ZFAT: variants seen among roughly 807,000 people sequenced by gnomAD.
ZFAT encodes zinc finger and AT-hook domain containing, also known as zinc finger protein ZFAT.
Under a neutral mutation model 117.7 loss-of-function variants are expected in ZFAT, and 64 were observed. The observed-to-expected ratio is 0.54, with a 90% confidence interval of 0.44 to 0.67. The LOEUF (loss-of-function observed/expected upper bound fraction) is 0.67, where lower values mean the gene tolerates loss of function less well. Ranked by LOEUF, ZFAT falls within the 30% of genes least tolerant of loss-of-function variation. ZFAT has a pLI of 0.00. For missense variants in ZFAT, 1,433 were observed against 1,584.5 expected, an observed-to-expected ratio of 0.90 and a Z score of 1.62; for synonymous variants, 679 against 615.0, an observed-to-expected ratio of 1.10 and a Z score of -1.54.
chr8:134,658,320 G>C (rs575050868), intron 1 of ZFAT, among the ~76,000 whole-genome samples: 2 of 105,218 alleles, frequency 1.9e-5, no homozygotes, highest in African/African-American at 8.2e-5. Flanking sequence ...CTGGGCGACA[G>C]AGCGAGATTC....
At chr8:134,518,907 T>G (rs1820434559) in intron 13 of ZFAT, among the ~76,000 whole-genome samples, 1 of 152,182 alleles carries the variant, frequency 6.6e-6, no homozygotes, top group African/African-American at 2.4e-5. Flanking sequence ...AAAGCCCACC[T>G]TTCTCCTACC....
chr8:134,599,331 G>C (rs953266648), intron 7 of ZFAT: 1 of 167,218 alleles, frequency 6.0e-6, no homozygotes, highest in Non-Finnish European at 1.3e-5. Flanking sequence ...GCATATAAGT[G>C]TATGTGTGTA....
At chr8:134,700,649 G>C (rs575869800) in intron 1 of ZFAT, among the ~76,000 whole-genome samples, 5 of 152,168 alleles carry the variant, frequency 3.3e-5, no homozygotes, top group African/African-American at 1.2e-4. Flanking sequence ...TGGCCAGTCC[G>C]GGGGGAGGCA....
the ZFAT span, among the ~76,000 whole-genome samples, chr8:134,753,923 G>A: frequency 6.6e-6 from 1 of 152,146 alleles, no homozygotes; most frequent in Admixed American, 6.5e-5. Flanking sequence ...AACCAGTCCC[G>A]CACAAGGTAA....
At chr8:134,727,354 C>G in the ZFAT span, among the ~76,000 whole-genome samples, 15 of 152,038 alleles carry the variant, frequency 9.9e-5, no homozygotes, top group Non-Finnish European at 7.4e-5. Context: ...GGTCAGGACA[C>G]TGCTGTGTTT....
chr8:134,720,956 C>T, the ZFAT span, among the ~76,000 whole-genome samples: 1 of 152,198 alleles, frequency 6.6e-6, no homozygotes, highest in Non-Finnish European at 1.5e-5. Context: ...TAAGAACCCT[C>T]CTCCCAAAGA....
chr8:134,747,979 G>T, the ZFAT span, among the ~76,000 whole-genome samples: 1 of 152,344 alleles, frequency 6.6e-6, no homozygotes, highest in East Asian at 1.9e-4. Flanking sequence ...TGCACAGTTT[G>T]TTCAGCTAGT....
At chr8:134,621,882 G>C (rs1308315198) in intron 3 of ZFAT, among the ~76,000 whole-genome samples, 1 of 152,214 alleles carries the variant, frequency 6.6e-6, no homozygotes, top group African/African-American at 2.4e-5. Context: ...ACTGTTTTGA[G>C]AACGCATGAT....
At chr8:134,767,723 C>CT in the ZFAT span, among the ~76,000 whole-genome samples, 8 of 152,024 alleles carry the variant, frequency 5.3e-5, no homozygotes, top group African/African-American at 1.7e-4. Context: ...GTATTTCTCA[C>CT]TTTTTTTTAA....
chr8:134,485,406 C>T (rs371927094), intron 15 of ZFAT, among the ~76,000 whole-genome samples: 1 of 152,232 alleles, frequency 6.6e-6, no homozygotes, highest in East Asian at 1.9e-4. Context: ...TCTTTCCTCT[C>T]TAATGAGAAG....
chr8:134,500,844 C>T (rs949764572), intron 15 of ZFAT, among the ~76,000 whole-genome samples: 1 of 152,138 alleles, frequency 6.6e-6, no homozygotes, highest in South Asian at 2.1e-4. Context: ...ATCACCATTC[C>T]GCAACAACAG....
chr8:134,663,974 T>C (rs1832070668), intron 1 of ZFAT, among the ~76,000 whole-genome samples: 1 of 152,064 alleles, frequency 6.6e-6, no homozygotes, highest in Non-Finnish European at 1.5e-5. Context: ...CTGCAAATCA[T>C]GAAGACCGTG....
chr8:134,583,081 G>A (rs1026629578), intron 10 of ZFAT, among the ~76,000 whole-genome samples: 9 of 147,506 alleles, frequency 6.1e-5, no homozygotes, highest in African/African-American at 2.3e-4. Context: ...GCCTGTGCCA[G>A]GGAGACTGTG....
At chr8:134,617,967 T>C (rs1828860118) in intron 3 of ZFAT, among the ~76,000 whole-genome samples, 1 of 152,164 alleles carries the variant, frequency 6.6e-6, no homozygotes, top group Non-Finnish European at 1.5e-5. Flanking sequence ...ATTCTCATGA[T>C]AGTGAATAAG....
At chr8:134,509,551 C>G (rs1397556528) in intron 15 of ZFAT, 68 bp downstream of exon 15, 1 of 1,601,008 alleles carries the variant, frequency 6.2e-7, no homozygotes, top group African/African-American at 1.3e-5. Flanking sequence ...CTTAGAAACA[C>G]AGGGAGAAGG....
At chr8:134,716,827 A>G (rs1336266921), upstream of ZFAT, among the ~76,000 whole-genome samples, 2 of 152,256 alleles carry the variant, frequency 1.3e-5, no homozygotes, top group Non-Finnish European at 2.9e-5. Flanking sequence ...GGGTCAAAAT[A>G]GGATATTTTA....
chr8:134,686,987 G>A (rs1356640038), intron 1 of ZFAT, among the ~76,000 whole-genome samples: 1 of 152,208 alleles, frequency 6.6e-6, no homozygotes, highest in Non-Finnish European at 1.5e-5. Flanking sequence ...AACGTGCAGA[G>A]AGACAGAGAC....
intron 15 of ZFAT, among the ~76,000 whole-genome samples, chr8:134,490,491 T>C (rs548406207): frequency 6.6e-6 from 1 of 152,200 alleles, no homozygotes. Context: ...GTCTACAGAA[T>C]AGAAGTTGCA....
the ZFAT span, among the ~76,000 whole-genome samples, chr8:134,823,429 C>A: frequency 6.6e-6 from 1 of 152,260 alleles, no homozygotes; most frequent in Admixed American, 6.5e-5. Context: ...GTATGTCAGG[C>A]ATTCTTTTAA....
Sources: gnomAD v4.1 joint callset for allele counts (sites outside exome capture counted in the v4.1 genomes callset) on GRCh38, gnomAD v4.1.1 for gene constraint, MANE v1.5 for transcripts, NCBI Gene and HGNC (gene_info 2026-07-23, HGNC 2026-07-21) for gene names.